Variants in MCF2L2 observed in about 807,000 individuals in gnomAD.
The protein encoded by MCF2L2 is MCF.2 cell line derived transforming sequence-like 2, also known as probable guanine nucleotide exchange factor MCF2L2.
In MCF2L2, 102 loss-of-function variants were observed where a neutral mutation model predicts 150.2. The observed-to-expected ratio is 0.68, with a 90% CI of 0.58 to 0.80. The LOEUF (loss-of-function observed/expected upper bound fraction) is 0.80. MCF2L2 is among the 30% of genes least tolerant of loss of function. MCF2L2 has a pLI of 0.00. For missense variants in MCF2L2, 1,256 were observed against 1,372.8 expected (o/e 0.91, Z 1.34); for synonymous variants, 465 against 491.3 (o/e 0.95, Z 0.71).
At chr3:183,378,000 G>C (rs1252411941) in intron 3 of MCF2L2, 1 of 152,216 alleles carries the variant, frequency 6.6e-6, no homozygotes, top group Non-Finnish European at 1.5e-5. Context: ...AACCTTCTCT[G>C]AAGAAATAAG....
chr3:183,212,559 T>C (rs796613936), intron 22 of MCF2L2, among the ~76,000 whole-genome samples: 2 of 152,190 alleles, frequency 1.3e-5, no homozygotes, highest in South Asian at 2.1e-4. Flanking sequence ...TGTGACTACA[T>C]TGGCCAAATG....
At chr3:183,258,027 G>T (rs1472029398) in intron 15 of MCF2L2, among the ~76,000 whole-genome samples, 1 of 133,752 alleles carries the variant, frequency 7.5e-6, no homozygotes, top group Non-Finnish European at 1.5e-5. Flanking sequence ...GAGTGCAATG[G>T]TGCCATCTCG....
At chr3:183,210,726 C>T (rs1419836039) in intron 22 of MCF2L2, among the ~76,000 whole-genome samples, 1 of 152,112 alleles carries the variant, frequency 6.6e-6, no homozygotes. Context: ...ATCCACAAGG[C>T]TATTGTAGAG....
chr3:183,404,987 G>C (rs1188654688), intron 1 of MCF2L2, among the ~76,000 whole-genome samples: 1 of 152,100 alleles, frequency 6.6e-6, no homozygotes, highest in Non-Finnish European at 1.5e-5. Flanking sequence ...AATTTATGGT[G>C]AAATCATGTA....
At chr3:183,355,471 G>T (rs538226122) in intron 3 of MCF2L2, among the ~76,000 whole-genome samples, 1 of 150,048 alleles carries the variant, frequency 6.7e-6, no homozygotes, top group African/African-American at 2.5e-5. Flanking sequence ...TTTTTGAGAC[G>T]GAGTCTCGCT....
At chr3:183,309,112 T>C (rs908701000) in intron 10 of MCF2L2, among the ~76,000 whole-genome samples, 2 of 152,336 alleles carry the variant, frequency 1.3e-5, no homozygotes, top group South Asian at 4.1e-4. Flanking sequence ...AATTCCAGTA[T>C]GGGACTGTAA....
intron 15 of MCF2L2, among the ~76,000 whole-genome samples, chr3:183,274,018 C>T (rs1025671889): frequency 1.3e-5 from 2 of 152,134 alleles, no homozygotes; most frequent in Non-Finnish European, 2.9e-5. Context: ...AGTTTGAGAC[C>T]AGCCTGGCCA....
At position 183,283,093 on chromosome 3, in the gene MCF2L2, CT is replaced by C. The variant is rs964101293; in HGVS notation, c.1776+6026del. ...ATCTTTGGTATCATGCTTCCTCCCCCTACCTTCTCTGCCTTGATCCCCTCCT... is the reference window on the plus strand; with the variant it reads ...ATCTTTGGTATCATGCTTCCTCCCCCACCTTCTCTGCCTTGATCCCCTCCT... On this transcript the variant is annotated intron_variant, in intron 14 of 29. Coordinates refer to ENST00000328913, the MANE Select transcript of MCF2L2 (RefSeq NM_015078.4). The surrounding 1 kb of genome is among the most constrained non-coding windows in gnomAD (Gnocchi z 4.2). Among the ~76,000 whole-genome samples, 3 of 152,234 alleles carry C rather than the reference CT, an allele frequency of 2.0e-5. No individual in the cohort carries two copies. Among genetic ancestry groups the C allele is most frequent in the Admixed American group, 6.5e-5 (1 of 15,290 alleles).
At chr3:183,193,559 C>T (rs1174737244) in intron 26 of MCF2L2, among the ~76,000 whole-genome samples, 1 of 152,046 alleles carries the variant, frequency 6.6e-6, no homozygotes, top group Non-Finnish European at 1.5e-5. Flanking sequence ...CCATGTTGGC[C>T]AGGATGGTCT....
intron 15 of MCF2L2, among the ~76,000 whole-genome samples, chr3:183,239,232 T>TTAGTTTACA (rs1450391346): frequency 6.6e-6 from 1 of 152,140 alleles, no homozygotes; most frequent in East Asian, 1.9e-4. Flanking sequence ...GTACTCTGCG[T>TTAGTTTACA]TAGTTTACAT....
chr3:183,418,879 G>A (rs992348617), intron 1 of MCF2L2, among the ~76,000 whole-genome samples: 3 of 152,192 alleles, frequency 2.0e-5, no homozygotes, highest in Non-Finnish European at 4.4e-5. Flanking sequence ...CGGTGGATCT[G>A]TCATTGTGGG....
intron 14 of MCF2L2, among the ~76,000 whole-genome samples, chr3:183,284,898 T>G (rs1727704052): frequency 6.6e-6 from 1 of 152,204 alleles, no homozygotes; most frequent in Non-Finnish European, 1.5e-5. Context: ...GTGGCGTCCC[T>G]GAATCTCCCA....
At chr3:183,243,536 T>C (rs114755434) in intron 15 of MCF2L2, among the ~76,000 whole-genome samples, 1,554 of 152,336 alleles carry the variant, frequency 0.01, 27 homozygotes, top group African/African-American at 0.035. Context: ...AGGCTCAGTG[T>C]ATGCTTCTGG....
chr3:183,215,081 A>G (rs1038757513), intron 22 of MCF2L2, among the ~76,000 whole-genome samples: 14 of 152,154 alleles, frequency 9.2e-5, no homozygotes, highest in African/African-American at 3.1e-4. Context: ...GCCATGAGCC[A>G]TGGAGCGTGG....
chr3:183,224,914 C>T (rs1245006014), intron 18 of MCF2L2: 2 of 152,324 alleles, frequency 1.3e-5, no homozygotes, highest in Non-Finnish European at 2.9e-5. Flanking sequence ...CTGCCAATCT[C>T]CCGGAGAGAA....
intron 14 of MCF2L2, chr3:183,287,619 C>T (rs1366294466): frequency 6.6e-6 from 1 of 152,164 alleles, no homozygotes; most frequent in Non-Finnish European, 1.5e-5. Flanking sequence ...CTGATCAGGA[C>T]AGTATGAAAT....
chr3:183,230,709 C>T (rs1353925476), intron 16 of MCF2L2, among the ~76,000 whole-genome samples: 5 of 152,120 alleles, frequency 3.3e-5, no homozygotes, highest in Admixed American at 3.3e-4. Flanking sequence ...AGATGGTAAA[C>T]CTATTTGGGC....
chr3:183,328,883 A>G (rs571280860), intron 5 of MCF2L2, among the ~76,000 whole-genome samples: 8 of 152,364 alleles, frequency 5.3e-5, no homozygotes, highest in East Asian at 1.9e-4. Flanking sequence ...GAACAGAAGC[A>G]TCACCAAAGA....
rs537970595 is a variant in MCF2L2 at position 183,357,880 on chromosome 3, CT to C, written c.276-16251del. ...AAAAAAAAAAGGCCGGCAGACACCC[CT>C]ATGAGTAACAGTGATAAGAAAAAGA... On this transcript the variant is annotated intron_variant, in intron 3 of 29. Coordinates refer to ENST00000328913, the MANE Select transcript of MCF2L2 (RefSeq NM_015078.4). 4.0e-3 allele frequency among the ~76,000 whole-genome samples: 614 copies of C among 151,812 alleles called. 2 individuals carry two copies. Among genetic ancestry groups the C allele is most frequent in the Non-Finnish European group, 6.9e-3 (470 of 67,962 alleles).
Sources: gnomAD v4.1 joint callset for allele counts (sites outside exome capture counted in the v4.1 genomes callset) on GRCh38, gnomAD v4.1.1 for gene constraint, Gnocchi (gnomAD v3.1) non-coding constraint, MANE v1.5 for transcripts, NCBI Gene and HGNC (gene_info 2026-07-23, HGNC 2026-07-21) for gene names.